Variants in TBC1D8 observed in about 807,000 individuals in gnomAD.
TBC1D8 encodes the protein BUB2-like protein 1.
Under a neutral mutation model 118.8 loss-of-function variants are expected in TBC1D8, and 65 were observed. The observed-to-expected ratio is 0.55, with a 90% CI of 0.45 to 0.67. The LOEUF is 0.67. TBC1D8 is among the 30% of genes least tolerant of loss of function. The pLI is 0.00. For missense variants in TBC1D8, 1,376 were observed against 1,471.2 expected (o/e 0.94, Z 1.06); for synonymous variants, 566 against 595.8 (o/e 0.95, Z 0.73).
At chr2:101,022,130 C>T in intron 16 of TBC1D8, 151 bp downstream of exon 16, 1 of 1,326,368 alleles carries the variant, frequency 7.5e-7, no homozygotes, top group Non-Finnish European at 1.0e-6. Flanking sequence ...GAGGGGCCTG[C>T]AGAGTGATAT....
chr2:101,091,751 A>C (rs1203441848), intron 1 of TBC1D8, among the ~76,000 whole-genome samples: 2 of 152,174 alleles, frequency 1.3e-5, no homozygotes, highest in Non-Finnish European at 2.9e-5. Context: ...CTGATCCTTG[A>C]TTGCCTGGGA....
intron 5 of TBC1D8, among the ~76,000 whole-genome samples, chr2:101,044,751 C>T (rs903796823): frequency 5.9e-5 from 9 of 151,956 alleles, no homozygotes; most frequent in African/African-American, 1.7e-4. Flanking sequence ...CACCAATCAC[C>T]TTTTTGTTTT....
chr2:101,086,564 A>G (rs1574007332), intron 2 of TBC1D8, among the ~76,000 whole-genome samples: 1 of 152,038 alleles, frequency 6.6e-6, no homozygotes, highest in Middle Eastern at 3.4e-3. Flanking sequence ...CATCATATGC[A>G]AAGCAAAAAA....
At chr2:101,040,458 A>G in intron 5 of TBC1D8, 73 bp from the exon 6 acceptor site, 1 of 1,402,198 alleles carries the variant, frequency 7.1e-7, no homozygotes, top group Non-Finnish European at 9.7e-7. Context: ...AAAGGAAAAT[A>G]CTTTTCCTTT....
intron 1 of TBC1D8, among the ~76,000 whole-genome samples, chr2:101,103,629 T>A (rs1008599600): frequency 1.3e-5 from 2 of 152,086 alleles, no homozygotes; most frequent in Non-Finnish European, 2.9e-5. Context: ...CCTGACCTCA[T>A]GATCCGCCCG....
chr2:101,054,043 C>T, intron 4 of TBC1D8, 65 bp downstream of exon 4: 1 of 1,452,316 alleles, frequency 6.9e-7, no homozygotes, highest in Non-Finnish European at 9.4e-7. Flanking sequence ...ACGGCCCTTC[C>T]TGGGAGCAGC....
At position 101,050,387 on chromosome 2, in the gene TBC1D8, ACAGT is replaced by A. The variant is rs959446106; in HGVS notation, c.872+10_872+13del. 2 of 1,611,320 alleles carry A rather than the reference ACAGT, an allele frequency of 1.2e-6. No homozygotes were observed. Among genetic ancestry groups the A allele is most frequent in the Non-Finnish European group, 1.7e-6 (2 of 1,179,018 alleles). ...CCGTGCGGGTGGGAGACACTCTAGAACAGTCACTTTCACCTCTTGGTGATCTGGC... is the reference window on the plus strand; with the variant it reads ...CCGTGCGGGTGGGAGACACTCTAGAACACTTTCACCTCTTGGTGATCTGGC... On this transcript the variant is annotated intron_variant, in intron 5 of 19. Transcript: ENST00000409318.
intron 19 of TBC1D8, among the ~76,000 whole-genome samples, chr2:101,008,629 A>G (rs1453315429): frequency 6.6e-6 from 1 of 152,078 alleles, no homozygotes; most frequent in Non-Finnish European, 1.5e-5. Flanking sequence ...CCCAATCAAC[A>G]TGGAGAAACC....
At chr2:101,095,829 C>G (rs1358416889) in intron 1 of TBC1D8, among the ~76,000 whole-genome samples, 1 of 152,070 alleles carries the variant, frequency 6.6e-6, no homozygotes, top group Non-Finnish European at 1.5e-5. Context: ...AGTAAGAAAG[C>G]TAACTCCATC....
intron 15 of TBC1D8, among the ~76,000 whole-genome samples, chr2:101,026,168 T>C (rs1416506971): frequency 1.3e-5 from 2 of 152,222 alleles, no homozygotes; most frequent in African/African-American, 2.4e-5. Context: ...GTTCCTATTC[T>C]CTCAACCTGA....
At chr2:101,076,638 G>C (rs945592856) in intron 2 of TBC1D8, among the ~76,000 whole-genome samples, 2 of 152,158 alleles carry the variant, frequency 1.3e-5, no homozygotes, top group Non-Finnish European at 2.9e-5. Context: ...TTCTTCAACA[G>C]GTCAGTGGCA....
chr2:101,117,011 T>C (rs565068287), intron 1 of TBC1D8, among the ~76,000 whole-genome samples: 2 of 152,204 alleles, frequency 1.3e-5, no homozygotes, highest in East Asian at 3.9e-4. Flanking sequence ...CCAATGTGAT[T>C]GGTGTCATCA....
chr2:101,011,433 A>G lies in TBC1D8; in HGVS notation c.2917+18T>C, dbSNP rs1179824738. On this transcript the variant is annotated intron_variant, in intron 18 of 19. Coordinates refer to ENST00000409318, the MANE Select transcript of TBC1D8 (RefSeq NM_001330348.2). ...CAGTGGTATGCAGGGGAAAGCAACA[A>G]TGAAAAGAGGTACGTGCCATTGGGT... The G allele has an allele frequency of 6.8e-6, 11 of 1,613,648 alleles. No homozygotes were observed. Among genetic ancestry groups the G allele is most frequent in the South Asian group, 1.1e-5 (1 of 91,078 alleles).
chr2:101,023,358 C>A (rs1363327829), intron 15 of TBC1D8, among the ~76,000 whole-genome samples: 1 of 151,870 alleles, frequency 6.6e-6, no homozygotes, highest in Non-Finnish European at 1.5e-5. Flanking sequence ...GTCAGCCAGG[C>A]TGGTCTCGAA....
At chr2:101,114,217 C>T (rs1677726224) in intron 1 of TBC1D8, among the ~76,000 whole-genome samples, 1 of 152,070 alleles carries the variant, frequency 6.6e-6, no homozygotes, top group Non-Finnish European at 1.5e-5. Flanking sequence ...ATTTTTATGT[C>T]AACATTTCTA....
chr2:101,116,641 T>G (rs1003382788), intron 1 of TBC1D8, among the ~76,000 whole-genome samples: 1 of 151,066 alleles, frequency 6.6e-6, no homozygotes, highest in Non-Finnish European at 1.5e-5. Context: ...TTAAAAGTAG[T>G]GAATTTTTTT....
In TBC1D8 at chr2:101,008,268, TTC is replaced by T; in HGVS notation, c.3019_3020del (p.Glu1007IlefsTer6). On this transcript the variant is annotated frameshift_variant, in exon 20 of 20. Coordinates refer to ENST00000409318, the MANE Select transcript of TBC1D8 (RefSeq NM_001330348.2). LOFTEE classifies it low-confidence loss of function (END_TRUNC). The stretch of plus-strand genomic sequence containing the variant: ...ACAGAGTTTTACAGAACTGGATAAA[TTC>T]TCTCTGAAATTGAAATAAGTCTTAG... ...EKELPKMSQR[E>X]FIQFCKTLYS... The T allele has an allele frequency of 6.6e-7, 1 of 1,525,016 alleles. No homozygotes were observed. The highest frequency in any genetic ancestry group is 8.8e-7 in the Non-Finnish European group (1 of 1,137,152). 94.5% of individuals were successfully genotyped at this position (1,525,016 alleles called of 1,614,324 possible). A position where few individuals can be genotyped will look rare whatever the true frequency, so the allele number is the denominator to read the frequency against.
chr2:101,141,878 G>A (rs1159363066), intron 1 of TBC1D8, among the ~76,000 whole-genome samples: 1 of 151,296 alleles, frequency 6.6e-6, no homozygotes, highest in African/African-American at 2.4e-5. Context: ...CAAAAAAAAT[G>A]AGCAAAAGAC....
At chr2:101,091,410 C>A (rs764879275) in intron 1 of TBC1D8, among the ~76,000 whole-genome samples, 1 of 151,960 alleles carries the variant, frequency 6.6e-6, no homozygotes, top group Non-Finnish European at 1.5e-5. Context: ...GGCAAAACAA[C>A]AACAACAACA....
Sources: gnomAD v4.1 joint callset for allele counts (sites outside exome capture counted in the v4.1 genomes callset) on GRCh38, gnomAD v4.1.1 for gene constraint, MANE v1.5 for transcripts, NCBI Gene and HGNC (gene_info 2026-07-23, HGNC 2026-07-21) for gene names.